Variants in RHBDL2 observed in about 807,000 individuals in gnomAD.
RHBDL2 encodes the protein rhomboid like 2.
A neutral mutation model predicts 31.7 loss-of-function variants in RHBDL2; 26 were observed. The ratio of observed to expected loss-of-function variants is 0.82; its 90% CI spans 0.60 to 1.14. The LOEUF is 1.14. Ranked by LOEUF, RHBDL2 falls within the 50% of genes most tolerant of loss-of-function variation. RHBDL2 has a pLI of 0.00. For missense variants in RHBDL2, 336 were observed against 364.4 expected, an observed-to-expected ratio of 0.92 and a Z score of 0.63; for synonymous variants, 123 against 127.2, an observed-to-expected ratio of 0.97 and a Z score of 0.22.
chr1:38,937,085 C>G (rs964172729), intron 1 of RHBDL2, among the ~76,000 whole-genome samples: 1 of 151,892 alleles, frequency 6.6e-6, no homozygotes, highest in Admixed American at 6.6e-5. Context: ...GTAGCTGAGA[C>G]TACAGGCACC....
chr1:38,922,173 T>C (rs538386005), intron 1 of RHBDL2, among the ~76,000 whole-genome samples: 113 of 152,122 alleles, frequency 7.4e-4, no homozygotes, highest in Admixed American at 7.4e-3. Flanking sequence ...ATGTCTGCTT[T>C]CTGCCTTGCC....
chr1:38,899,696 T>A (rs1166769171), intron 4 of RHBDL2, among the ~76,000 whole-genome samples: 1 of 152,220 alleles, frequency 6.6e-6, no homozygotes, highest in Non-Finnish European at 1.5e-5. Context: ...GTGAGCTTTG[T>A]CCTGGGTGGA....
intron 4 of RHBDL2, among the ~76,000 whole-genome samples, chr1:38,902,021 G>A (rs999804584): frequency 1.3e-5 from 2 of 151,522 alleles, no homozygotes; most frequent in South Asian, 4.2e-4. Flanking sequence ...TAATTGACAT[G>A]TATACAATAT....
chr1:38,916,047 C>T (rs982984077), intron 2 of RHBDL2, among the ~76,000 whole-genome samples: 1 of 152,234 alleles, frequency 6.6e-6, no homozygotes, highest in African/African-American at 2.4e-5. Context: ...GTCGCACCAA[C>T]TGATCTTTCA....
At chr1:38,939,866 A>G (rs1324227598) in intron 1 of RHBDL2, among the ~76,000 whole-genome samples, 1 of 151,788 alleles carries the variant, frequency 6.6e-6, no homozygotes, top group Non-Finnish European at 1.5e-5. Flanking sequence ...TTTTTGAGAC[A>G]GGGTCTCGCT....
chr1:38,917,301 A>G (rs867458363), intron 2 of RHBDL2, among the ~76,000 whole-genome samples: 68 of 152,194 alleles, frequency 4.5e-4, no homozygotes, highest in African/African-American at 1.6e-3. Flanking sequence ...ACAGGCGTGC[A>G]CCACTGCGCC....
intron 1 of RHBDL2, chr1:38,929,311 A>G: frequency 2.0e-6 from 2 of 988,164 alleles, no homozygotes; most frequent in Non-Finnish European, 2.8e-6. Context: ...CACTGCTACG[A>G]CGAGGACTCT....
At chr1:38,900,061 T>C (rs992059340) in intron 4 of RHBDL2, among the ~76,000 whole-genome samples, 4 of 152,206 alleles carry the variant, frequency 2.6e-5, no homozygotes, top group Non-Finnish European at 5.9e-5. Context: ...TGGGAATAAT[T>C]ACCATCTTAC....
chr1:38,892,994 A>C (rs1049489268), intron 6 of RHBDL2, among the ~76,000 whole-genome samples, 170 bp downstream of exon 6: 1 of 152,222 alleles, frequency 6.6e-6, no homozygotes. Flanking sequence ...TTATCTTTCT[A>C]ATAAAACCCC....
intron 4 of RHBDL2, among the ~76,000 whole-genome samples, chr1:38,899,923 C>T (rs1266149113): frequency 2.0e-5 from 3 of 152,104 alleles, no homozygotes; most frequent in Non-Finnish European, 2.9e-5. Context: ...AATCCAGGGC[C>T]GTCCTCCTCT....
intron 2 of RHBDL2, among the ~76,000 whole-genome samples, chr1:38,917,219 G>A (rs568163713): frequency 2.6e-5 from 4 of 151,566 alleles, no homozygotes; most frequent in South Asian, 4.2e-4. Context: ...GGGTTTCACC[G>A]TGTTAGCCAG....
intron 1 of RHBDL2, chr1:38,929,433 G>C (rs1461431604): frequency 1.0e-5 from 13 of 1,289,322 alleles, no homozygotes; most frequent in Non-Finnish European, 1.3e-5. Flanking sequence ...CCCTGGCAAG[G>C]CCAACACCCT....
intron 1 of RHBDL2, among the ~76,000 whole-genome samples, chr1:38,924,288 CAA>C (rs1643347918): frequency 1.3e-5 from 2 of 151,944 alleles, no homozygotes; most frequent in African/African-American, 2.4e-5. Flanking sequence ...CACCTGGCCA[CAA>C]GTACTCTTAA....
intron 4 of RHBDL2, among the ~76,000 whole-genome samples, chr1:38,909,720 C>T (rs948953151): frequency 4.0e-5 from 6 of 151,806 alleles, no homozygotes; most frequent in Admixed American, 2.0e-4. Flanking sequence ...CCAGCCTGGA[C>T]GACAGGGCAA....
chr1:38,910,794 CAG>C (rs1257146729), intron 4 of RHBDL2, among the ~76,000 whole-genome samples: 1 of 134,208 alleles, frequency 7.5e-6, no homozygotes, highest in African/African-American at 2.8e-5. Context: ...TTGTTTGAGA[CAG>C]AGTCTCGCTC....
At chr1:38,919,459 G>C (rs1208930397) in intron 1 of RHBDL2, 122 bp from the exon 2 acceptor site, 2 of 858,224 alleles carry the variant, frequency 2.3e-6, no homozygotes, top group Non-Finnish European at 3.3e-6. Context: ...TTAAAATGCA[G>C]CTCTACCATG....
chr1:38,887,861 G>A, intron 7 of RHBDL2, 102 bp downstream of exon 7: 6 of 793,540 alleles, frequency 7.6e-6, no homozygotes, highest in Non-Finnish European at 1.2e-5. Flanking sequence ...CTTCCAAATG[G>A]AAATTTGGCT....
chr1:38,937,033 C>T (rs555557028), intron 1 of RHBDL2, among the ~76,000 whole-genome samples: 26 of 151,722 alleles, frequency 1.7e-4, no homozygotes, highest in African/African-American at 3.9e-4. Context: ...CTGCATGCTC[C>T]GCCTCCCGGG....
intron 4 of RHBDL2, among the ~76,000 whole-genome samples, chr1:38,901,783 G>T (rs985547117): frequency 6.6e-6 from 1 of 151,352 alleles, no homozygotes; most frequent in Admixed American, 6.6e-5. Context: ...AGTGAGCTGA[G>T]ATTGCACCAC....
Sources: allele counts gnomAD v4.1 joint callset (sites outside exome capture counted in the v4.1 genomes callset), GRCh38; gene constraint gnomAD v4.1.1; transcripts MANE v1.5; gene names NCBI Gene and HGNC (gene_info 2026-07-23, HGNC 2026-07-21).